MRPS6: variants seen among roughly 807,000 people sequenced by gnomAD.
The protein encoded by MRPS6 is small ribosomal subunit protein bS6m.
In MRPS6, 6 loss-of-function variants were observed where a neutral mutation model predicts 13.1. The ratio of observed to expected loss-of-function variants is 0.46; its 90% CI spans 0.25 to 0.91. The LOEUF (loss-of-function observed/expected upper bound fraction) is 0.91. Among genes scored for constraint, MRPS6 ranks in the 40% least tolerant of loss-of-function variants. The pLI is 0.18. For missense variants in MRPS6, 164 were observed against 155.6 expected, an observed-to-expected ratio of 1.05 and a Z score of -0.29; for synonymous variants, 61 against 56.5, an observed-to-expected ratio of 1.08 and a Z score of -0.36.
At chr21:34,077,045 C>T (rs575097064) in intron 1 of MRPS6, among the ~76,000 whole-genome samples, 3 of 152,276 alleles carry the variant, frequency 2.0e-5, no homozygotes, top group East Asian at 3.9e-4. Context: ...GGTCTATATC[C>T]ACCTCCACCC....
intron 2 of MRPS6, among the ~76,000 whole-genome samples, chr21:34,127,317 A>G (rs1212661317): frequency 6.6e-6 from 1 of 152,184 alleles, no homozygotes; most frequent in Non-Finnish European, 1.5e-5. Context: ...TGTTAAAGGT[A>G]ATGTTTTTTA....
chr21:34,108,141 A>C (rs1013473454), intron 1 of MRPS6, among the ~76,000 whole-genome samples: 1 of 152,206 alleles, frequency 6.6e-6, no homozygotes, highest in African/African-American at 2.4e-5. Flanking sequence ...TGGTGTAAAC[A>C]AACTCTGCTG....
chr21:34,133,438 C>T (rs2123267493), intron 2 of MRPS6, among the ~76,000 whole-genome samples: 1 of 152,242 alleles, frequency 6.6e-6, no homozygotes, highest in Middle Eastern at 3.4e-3. Flanking sequence ...GTTGAGACTC[C>T]TAGGCTAGCT....
intron 1 of MRPS6, chr21:34,095,160 C>T (rs760172791): frequency 7.0e-7 from 1 of 1,423,948 alleles, no homozygotes; most frequent in East Asian, 2.5e-5. Context: ...AAGTTGGACA[C>T]TTCTGTCATT....
chr21:34,097,675 G>A (rs1354575539), intron 1 of MRPS6: 8 of 1,050,952 alleles, frequency 7.6e-6, no homozygotes, highest in Middle Eastern at 4.7e-4. Flanking sequence ...ATGAATTAAG[G>A]TATACTGTCT....
At chr21:34,129,923 A>G (rs879780121) in intron 2 of MRPS6, among the ~76,000 whole-genome samples, 11 of 152,358 alleles carry the variant, frequency 7.2e-5, no homozygotes, top group Non-Finnish European at 1.0e-4. Context: ...CCCAACAGAT[A>G]TAAAAAGAAA....
At chr21:34,075,650 T>G (rs979219386) in intron 1 of MRPS6, among the ~76,000 whole-genome samples, 1 of 152,236 alleles carries the variant, frequency 6.6e-6, no homozygotes, top group Non-Finnish European at 1.5e-5. Context: ...TGGTGACTTA[T>G]GTACAATGGC....
At chr21:34,077,440 C>A (rs909560485) in intron 1 of MRPS6, among the ~76,000 whole-genome samples, 5 of 152,088 alleles carry the variant, frequency 3.3e-5, no homozygotes, top group African/African-American at 1.2e-4. Flanking sequence ...TTATGAAAGC[C>A]CTGGGATAAT....
intron 1 of MRPS6, among the ~76,000 whole-genome samples, chr21:34,086,323 A>G (rs1219964343): frequency 6.6e-6 from 1 of 152,184 alleles, no homozygotes; most frequent in Non-Finnish European, 1.5e-5. Flanking sequence ...TGGTGTGGGT[A>G]CAGATGTTAG....
intron 1 of MRPS6, among the ~76,000 whole-genome samples, chr21:34,081,001 T>A (rs1333595467): frequency 6.6e-6 from 1 of 152,170 alleles, no homozygotes; most frequent in Non-Finnish European, 1.5e-5. Flanking sequence ...TGTGAGCTGA[T>A]GAAATGAGTG....
At chr21:34,134,884 C>A (rs1436839576) in intron 2 of MRPS6, among the ~76,000 whole-genome samples, 1 of 152,200 alleles carries the variant, frequency 6.6e-6, no homozygotes, top group South Asian at 2.1e-4. Flanking sequence ...CAACTGTAGG[C>A]TAAGCGTTCT....
chr21:34,081,393 GTATA>G (rs1989455786), intron 1 of MRPS6, among the ~76,000 whole-genome samples: 1 of 152,142 alleles, frequency 6.6e-6, no homozygotes, highest in African/African-American at 2.4e-5. Flanking sequence ...CTTAAGGTAC[GTATA>G]TATAGTTTTA....
intron 1 of MRPS6, among the ~76,000 whole-genome samples, chr21:34,092,969 AACAGCAGTTTTCATTGTAATTGAC>A (rs968840238): frequency 1.6e-4 from 25 of 152,362 alleles, no homozygotes; most frequent in Middle Eastern, 3.4e-3. Flanking sequence ...CATAACTGCG[AACAGCAGTTTTCATTGTAATTGAC>A]ACAGCAGTTT....
intron 1 of MRPS6, among the ~76,000 whole-genome samples, chr21:34,088,998 A>G (rs1348909837): frequency 6.6e-6 from 1 of 152,086 alleles, no homozygotes; most frequent in Non-Finnish European, 1.5e-5. Context: ...TTAAGATTAC[A>G]TAGTAATAGG....
rs1978338152 is a variant in MRPS6, at chr21:34,085,743, C to A, written c.45+11998C>A. ...TCAGCCCCAGCTGGGACTGGGACTACAGGCGCCCGCCACCGCACCCAGCTA... is the reference window on the plus strand; with the variant it reads ...TCAGCCCCAGCTGGGACTGGGACTAAAGGCGCCCGCCACCGCACCCAGCTA... On this transcript the variant is annotated intron_variant, in intron 1 of 2. Transcript: ENST00000399312. 5.3e-5 allele frequency among the ~76,000 whole-genome samples: 8 copies of A among 152,124 alleles called. No homozygotes were observed. The South Asian group carries it at 1.7e-3, about 32-fold the overall frequency.
intron 2 of MRPS6, among the ~76,000 whole-genome samples, chr21:34,127,456 A>G (rs115411393): frequency 6.6e-6 from 1 of 152,206 alleles, no homozygotes. Flanking sequence ...CACAGTGCAC[A>G]TTGGCACATA....
At chr21:34,076,491 A>T (rs771176811) in intron 1 of MRPS6, among the ~76,000 whole-genome samples, 3 of 152,244 alleles carry the variant, frequency 2.0e-5, no homozygotes, top group African/African-American at 7.2e-5. Context: ...TTCCAATACT[A>T]TGTTTTTCTC....
At chr21:34,104,125 A>AT in intron 1 of MRPS6, 2 of 999,564 alleles carry the variant, frequency 2.0e-6, no homozygotes, top group Non-Finnish European at 2.4e-6. Flanking sequence ...AGTTACCTTT[A>AT]TTTTTTTCCT....
intron 2 of MRPS6, among the ~76,000 whole-genome samples, chr21:34,140,952 A>G (rs1385437484): frequency 6.6e-6 from 1 of 152,222 alleles, no homozygotes; most frequent in Non-Finnish European, 1.5e-5. Context: ...TTATTCCACT[A>G]GGCTTGGCTT....
Sources: gnomAD v4.1 joint callset for allele counts (sites outside exome capture counted in the v4.1 genomes callset) on GRCh38, gnomAD v4.1.1 for gene constraint, MANE v1.5 for transcripts, NCBI Gene and HGNC (gene_info 2026-07-23, HGNC 2026-07-21) for gene names.